Variants in HEMK2 observed in about 807,000 individuals in gnomAD.
HEMK2 encodes the protein HemK methyltransferase 2, ETF1 glutamine and histone H4 lysine, also known as methyltransferase HEMK2.
the HEMK2 span, among the ~76,000 whole-genome samples, chr21:28,768,726 T>C: frequency 6.6e-6 from 1 of 152,044 alleles, no homozygotes; most frequent in Non-Finnish European, 1.5e-5. Flanking sequence ...TCTAAGGTCC[T>C]GTTATGGACT....
chr21:28,672,167 A>G, the HEMK2 span, among the ~76,000 whole-genome samples: 1 of 152,058 alleles, frequency 6.6e-6, no homozygotes, highest in Non-Finnish European at 1.5e-5. Flanking sequence ...TTCTCTCTTC[A>G]CTTGAAACAG....
the HEMK2 span, among the ~76,000 whole-genome samples, chr21:28,695,783 A>G: frequency 1.0e-5 from 1 of 96,256 alleles, no homozygotes; most frequent in East Asian, 7.3e-4. Context: ...CCCCAAAGTA[A>G]GTCTTACTTA....
the HEMK2 span, among the ~76,000 whole-genome samples, chr21:28,646,927 C>T: frequency 6.6e-6 from 1 of 152,268 alleles, no homozygotes; most frequent in African/African-American, 2.4e-5. Flanking sequence ...AAGCATGTTG[C>T]TTGGGCCAAT....
chr21:28,616,147 G>T, the HEMK2 span, among the ~76,000 whole-genome samples: 2 of 152,144 alleles, frequency 1.3e-5, no homozygotes, highest in South Asian at 4.1e-4. Context: ...AGATCAAATT[G>T]TCTAGACATA....
chr21:28,788,279 TACAC>T, the HEMK2 span, among the ~76,000 whole-genome samples: 207 of 147,138 alleles, frequency 1.4e-3, no homozygotes, highest in African/African-American at 3.0e-3. Context: ...CCATCATATA[TACAC>T]ACACACACAC....
At chr21:28,695,853 G>A in the HEMK2 span, among the ~76,000 whole-genome samples, 136 of 152,038 alleles carry the variant, frequency 8.9e-4, no homozygotes, top group Non-Finnish European at 1.8e-3. Flanking sequence ...GACAAGGCAA[G>A]TCTCTTCCAC....
At chr21:28,750,948 C>T in the HEMK2 span, among the ~76,000 whole-genome samples, 2 of 152,034 alleles carry the variant, frequency 1.3e-5, no homozygotes, top group Non-Finnish European at 2.9e-5. Context: ...TACATTAGTT[C>T]GGCCAGGTGC....
the HEMK2 span, among the ~76,000 whole-genome samples, chr21:28,846,194 C>T: frequency 6.6e-6 from 1 of 152,106 alleles, no homozygotes; most frequent in Non-Finnish European, 1.5e-5. Context: ...ATCCAGTCTA[C>T]CACTGATGGG....
At chr21:28,751,234 G>GA in the HEMK2 span, among the ~76,000 whole-genome samples, 193 of 125,378 alleles carry the variant, frequency 1.5e-3, 1 homozygote, top group Middle Eastern at 9.3e-3. Flanking sequence ...CTGTCTCAAT[G>GA]AAAAAAAAAA....
the HEMK2 span, among the ~76,000 whole-genome samples, chr21:28,855,026 G>T: frequency 6.6e-6 from 1 of 152,128 alleles, no homozygotes; most frequent in Non-Finnish European, 1.5e-5. Flanking sequence ...CACCAACCTT[G>T]AATGTAAATG....
chr21:28,861,481 CTCAA>C, the HEMK2 span, among the ~76,000 whole-genome samples: 1 of 152,198 alleles, frequency 6.6e-6, no homozygotes, highest in Non-Finnish European at 1.5e-5. Flanking sequence ...ATCACGGCCC[CTCAA>C]TCAATTTCCA....
chr21:28,732,977 C>T, the HEMK2 span, among the ~76,000 whole-genome samples: 1,060 of 152,148 alleles, frequency 7.0e-3, 15 homozygotes, highest in African/African-American at 0.024. Flanking sequence ...ATCACGTCTC[C>T]CAAACAAAAA....
chr21:28,613,824 CAAAT>C, the HEMK2 span, among the ~76,000 whole-genome samples: 1 of 152,010 alleles, frequency 6.6e-6, no homozygotes, highest in Non-Finnish European at 1.5e-5. Context: ...GAAATGTCCT[CAAAT>C]CTAAGTTGCA....
At chr21:28,828,363 C>A in the HEMK2 span, among the ~76,000 whole-genome samples, 1,400 of 152,232 alleles carry the variant, frequency 9.2e-3, 13 homozygotes, top group Non-Finnish European at 0.013. Flanking sequence ...ATTTGAGGGG[C>A]TTTTCTCCTC....
At chr21:28,728,920 C>A in the HEMK2 span, among the ~76,000 whole-genome samples, 1 of 152,226 alleles carries the variant, frequency 6.6e-6, no homozygotes, top group Non-Finnish European at 1.5e-5. Flanking sequence ...TCTCCACCCT[C>A]CAGGGAGCTG....
At chr21:28,775,301 CAG>C in the HEMK2 span, among the ~76,000 whole-genome samples, 2 of 151,990 alleles carry the variant, frequency 1.3e-5, no homozygotes, top group Non-Finnish European at 2.9e-5. Flanking sequence ...AGGAGGCAGA[CAG>C]AGTGAAGGAA....
At chr21:28,657,008 C>T in the HEMK2 span, among the ~76,000 whole-genome samples, 1 of 152,050 alleles carries the variant, frequency 6.6e-6, no homozygotes, top group African/African-American at 2.4e-5. Flanking sequence ...TAGCCTTTAT[C>T]AATATCTATT....
At chr21:28,850,537 C>T in the HEMK2 span, among the ~76,000 whole-genome samples, 1 of 152,118 alleles carries the variant, frequency 6.6e-6, no homozygotes, top group Non-Finnish European at 1.5e-5. Flanking sequence ...GAAATTCCAA[C>T]CAAGAATTTT....
At chr21:28,653,586 G>A in the HEMK2 span, among the ~76,000 whole-genome samples, 58 of 152,096 alleles carry the variant, frequency 3.8e-4, no homozygotes, top group African/African-American at 1.3e-3. Flanking sequence ...TATTAAAATC[G>A]CTTCTCAGTC....
Sources: allele counts gnomAD v4.1 joint callset (sites outside exome capture counted in the v4.1 genomes callset), GRCh38; gene constraint gnomAD v4.1.1; transcripts MANE v1.5; gene names NCBI Gene and HGNC (gene_info 2026-07-23, HGNC 2026-07-21).